The following ROBO1 variants were observed in gnomAD, a reference collection of about 807,000 sequenced individuals.
The protein encoded by ROBO1 is roundabout homolog 1.
In ROBO1, 149 loss-of-function variants were observed where a neutral mutation model predicts 195.9. The observed-to-expected ratio is 0.76, with a 90% confidence interval of 0.67 to 0.87. The LOEUF (loss-of-function observed/expected upper bound fraction) is 0.87. Ranked by LOEUF, ROBO1 falls within the 40% of genes least tolerant of loss-of-function variation. The pLI, the probability that ROBO1 is intolerant of heterozygous loss-of-function variation, is 0.00. For missense variants in ROBO1, 1,933 were observed against 2,068.3 expected (o/e 0.93, Z 1.27); for synonymous variants, 816 against 733.2 (o/e 1.11, Z -1.82).
chr3:79,314,584 C>T (rs1559811249), intron 2 of ROBO1, among the ~76,000 whole-genome samples: 1 of 152,214 alleles, frequency 6.6e-6, no homozygotes, highest in Non-Finnish European at 1.5e-5. Flanking sequence ...ATAAATGACC[C>T]AGTCTTGGGT....
At chr3:79,660,018 C>T (rs955278976) in intron 1 of ROBO1, among the ~76,000 whole-genome samples, 2 of 151,948 alleles carry the variant, frequency 1.3e-5, no homozygotes, top group African/African-American at 4.8e-5. Context: ...TTATATTGGT[C>T]AAGAATACCT....
At chr3:79,652,190 C>T (rs1560071520) in intron 1 of ROBO1, among the ~76,000 whole-genome samples, 1 of 152,068 alleles carries the variant, frequency 6.6e-6, no homozygotes, top group Non-Finnish European at 1.5e-5. Flanking sequence ...TTCTTGTTGT[C>T]TTGGTGAGAT....
At chr3:78,764,510 C>A (rs1292627704) in intron 4 of ROBO1, among the ~76,000 whole-genome samples, 1 of 152,082 alleles carries the variant, frequency 6.6e-6, no homozygotes, top group Admixed American at 6.6e-5. Flanking sequence ...AATGGAAAGT[C>A]TTTGGCAGCC....
intron 4 of ROBO1, among the ~76,000 whole-genome samples, chr3:78,850,410 G>A (rs921625439): frequency 1.3e-5 from 2 of 152,072 alleles, no homozygotes; most frequent in African/African-American, 4.8e-5. Context: ...CAGATAACAA[G>A]TTTAATAACA....
At chr3:79,328,661 G>GT (rs1365203737) in intron 2 of ROBO1, among the ~76,000 whole-genome samples, 2 of 152,032 alleles carry the variant, frequency 1.3e-5, no homozygotes, top group African/African-American at 4.8e-5. Flanking sequence ...GGGAACATGG[G>GT]TTTTTTTGGC....
chr3:79,517,147 C>T (rs746279552), intron 2 of ROBO1, among the ~76,000 whole-genome samples: 4 of 152,124 alleles, frequency 2.6e-5, no homozygotes, highest in Non-Finnish European at 5.9e-5. Context: ...TTTTCCTAAC[C>T]TCCTTTCGAT....
At chr3:79,024,642 C>T (rs968426303) in intron 3 of ROBO1, among the ~76,000 whole-genome samples, 6 of 152,226 alleles carry the variant, frequency 3.9e-5, no homozygotes, top group Admixed American at 1.3e-4. Flanking sequence ...TTTTAATATG[C>T]AGATGAGCAT....
At chr3:79,613,522 T>C (rs1400594501) in intron 1 of ROBO1, among the ~76,000 whole-genome samples, 1 of 151,924 alleles carries the variant, frequency 6.6e-6, no homozygotes, top group Admixed American at 6.6e-5. Flanking sequence ...AAATATAAAA[T>C]GGCAAAATGG....
chr3:78,614,404 T>C (rs538034766), intron 28 of ROBO1, among the ~76,000 whole-genome samples: 81 of 152,164 alleles, frequency 5.3e-4, no homozygotes, highest in Admixed American at 9.2e-4. Context: ...AAAATAACTT[T>C]CAAAAATATT....
At chr3:79,555,248 T>C (rs1942656811) in intron 2 of ROBO1, among the ~76,000 whole-genome samples, 1 of 152,156 alleles carries the variant, frequency 6.6e-6, no homozygotes, top group South Asian at 2.1e-4. Flanking sequence ...AAGTCTCAGA[T>C]TGCTTGCTGC....
In ROBO1 at chr3:79,166,831, C is replaced by T. The variant is rs565513645; in HGVS notation, c.89-41292G>A. On this transcript the variant is annotated intron_variant, in intron 2 of 30. Coordinates refer to ENST00000464233, the MANE Select transcript of ROBO1 (RefSeq NM_002941.4). ...GATCCGCTATTTTTCTTAATTTGTT[C>T]ACTAATGTATTATCAGTGCCTAAAT... is the stretch of plus-strand genomic sequence containing the variant. Among the ~76,000 whole-genome samples the T allele has an allele frequency of 3.0e-4, 46 of 152,120 alleles. No homozygotes were observed. The South Asian group carries it at 6.0e-3, about 20-fold the overall frequency.
intron 10 of ROBO1, among the ~76,000 whole-genome samples, chr3:78,672,988 C>T (rs989697751): frequency 2.0e-5 from 3 of 152,176 alleles, no homozygotes; most frequent in African/African-American, 7.2e-5. Flanking sequence ...CAGTAGCCAA[C>T]AGCACCAAGT....
intron 3 of ROBO1, among the ~76,000 whole-genome samples, chr3:79,047,519 G>A (rs751318321): frequency 1.7e-4 from 26 of 152,220 alleles, no homozygotes; most frequent in South Asian, 8.3e-4. Flanking sequence ...GGGCAGGACT[G>A]TCATCTTTTC....
intron 3 of ROBO1, among the ~76,000 whole-genome samples, chr3:79,116,175 T>C (rs1439288681): frequency 1.3e-5 from 2 of 152,208 alleles, no homozygotes; most frequent in Admixed American, 6.5e-5. Flanking sequence ...CCAAAATCCA[T>C]AGGTGCTTAA....
chr3:79,399,472 C>T (rs1021552091), intron 2 of ROBO1, among the ~76,000 whole-genome samples: 1 of 152,136 alleles, frequency 6.6e-6, no homozygotes, highest in Non-Finnish European at 1.5e-5. Context: ...AACACTTTTC[C>T]TCTGATTCCT....
intron 4 of ROBO1, chr3:78,759,206 G>A (rs35812135): frequency 0.57 from 86,537 of 152,822 alleles, 25,189 homozygotes; most frequent in East Asian, 0.75. Flanking sequence ...AAATCAACCT[G>A]TTAAGGCTGA....
chr3:79,619,907 C>G (rs936509152), intron 1 of ROBO1, among the ~76,000 whole-genome samples: 1 of 152,172 alleles, frequency 6.6e-6, no homozygotes. Flanking sequence ...TAATTAACCT[C>G]GCCTTCAAGG....
At chr3:79,657,621 A>G (rs1337179785) in intron 1 of ROBO1, among the ~76,000 whole-genome samples, 3 of 152,216 alleles carry the variant, frequency 2.0e-5, no homozygotes, top group Non-Finnish European at 4.4e-5. Flanking sequence ...GAATGGCACC[A>G]TTTGTGAATA....
At chr3:79,150,802 T>C (rs1177115339) in intron 2 of ROBO1, among the ~76,000 whole-genome samples, 1 of 151,828 alleles carries the variant, frequency 6.6e-6, no homozygotes, top group Non-Finnish European at 1.5e-5. Context: ...TTGACTTCCA[T>C]GCCCACCACC....
Sources: allele counts gnomAD v4.1 joint callset (sites outside exome capture counted in the v4.1 genomes callset), GRCh38; gene constraint gnomAD v4.1.1; transcripts MANE v1.5; gene names NCBI Gene and HGNC (gene_info 2026-07-23, HGNC 2026-07-21).